The following MAPK4 variants were observed in gnomAD, a reference collection of about 807,000 sequenced individuals.
MAPK4 encodes mitogen-activated protein kinase 4, also known as Erk3-related.
MAPK4 carries 22 observed loss-of-function variants against 47.7 expected under a neutral mutation model. The ratio of observed to expected loss-of-function variants is 0.46; its 90% confidence interval spans 0.33 to 0.66. The LOEUF (loss-of-function observed/expected upper bound fraction) is 0.66. MAPK4 is among the 30% of genes least tolerant of loss of function. The probability of loss-of-function intolerance (pLI) is 0.02; values close to 1 mark genes in which losing one functional copy is unlikely to be tolerated. For missense variants in MAPK4, 736 were observed against 831.7 expected (o/e 0.88, Z 1.42); for synonymous variants, 390 against 365.7 (o/e 1.07, Z -0.76).
At chr18:50,585,894 C>T (rs2042383940) in intron 1 of MAPK4, among the ~76,000 whole-genome samples, 1 of 152,176 alleles carries the variant, frequency 6.6e-6, no homozygotes, top group African/African-American at 2.4e-5. Context: ...AGAACTCACT[C>T]ACTGTCACAA....
chr18:50,672,776 A>G (rs1228604009), intron 2 of MAPK4, among the ~76,000 whole-genome samples: 1 of 152,126 alleles, frequency 6.6e-6, no homozygotes. Flanking sequence ...TTCACCCTTT[A>G]TTGCTGGATC....
intron 1 of MAPK4, among the ~76,000 whole-genome samples, chr18:50,625,328 C>T (rs76949404): frequency 1.1e-4 from 17 of 152,286 alleles, no homozygotes; most frequent in Admixed American, 4.6e-4. Flanking sequence ...ATGGCAAAAG[C>T]GCTGGGCATG....
chr18:50,729,259 C>T lies in MAPK4; in HGVS notation c.1169C>T (p.Ala390Val). 1.2e-6 allele frequency: 2 copies of T among 1,609,662 alleles called. No individual in the cohort carries two copies. Among genetic ancestry groups the T allele is most frequent in the Non-Finnish European group, 1.7e-6 (2 of 1,177,686 alleles). ...RDPRAGSAPLAEDVQVDPRKD... is the reference protein window; with the variant it reads ...RDPRAGSAPLVEDVQVDPRKD... The stretch of plus-strand genomic sequence containing the variant: ...CCGCGCGCGGGTTCGGCGCCACTGG[C>T]TGAGGACGTGCAGGTGGACCCGCGC... Residue 390 changes from alanine (A) to valine (V), a missense_variant, in exon 6 of 6, where the codon GCT (alanine) becomes GTT (valine). Physicochemically the swap from Ala to Val is moderately conservative, Grantham distance 64. This residue lies in a region of MAPK4 where 377 missense variants were observed against 378.6 expected (regional missense o/e 1.00). Transcript: ENST00000400384.
intron 2 of MAPK4, 79 bp from the exon 3 acceptor site, chr18:50,715,000 G>A: frequency 7.0e-7 from 1 of 1,429,014 alleles, no homozygotes; most frequent in South Asian, 1.3e-5. Flanking sequence ...TGTTTCATGG[G>A]AGGGGAAACT....
At chr18:50,601,861 C>T (rs1044036055) in intron 1 of MAPK4, among the ~76,000 whole-genome samples, 16 of 152,288 alleles carry the variant, frequency 1.1e-4, no homozygotes, top group African/African-American at 2.9e-4. Context: ...TCTTGCCTTC[C>T]GTGGCAGCTC....
At position 50,582,867 on chromosome 18, in the gene MAPK4, G is replaced by A. The variant is rs570226680; in HGVS notation, c.-871+22624G>A. 3.2e-4 allele frequency among the ~76,000 whole-genome samples: 49 copies of A among 152,336 alleles called. 2 individuals carry two copies. In the South Asian group the frequency reaches 9.7e-3, roughly 30 times the overall value. The stretch of plus-strand genomic sequence containing the variant: ...ATGCCAGCAATCATGGAGCCCCAAG[G>A]GGTGTTACAGCTCTTGCTCAGAAAG... On this transcript the variant is annotated intron_variant, in intron 1 of 5. Coordinates refer to ENST00000400384, the MANE Select transcript of MAPK4 (RefSeq NM_002747.4).
At chr18:50,614,853 C>T (rs2042670015) in intron 1 of MAPK4, among the ~76,000 whole-genome samples, 2 of 152,118 alleles carry the variant, frequency 1.3e-5, no homozygotes, top group South Asian at 4.2e-4. Context: ...GGATTCTTCC[C>T]TTCTGGGAAG....
chr18:50,666,868 G>A (rs997281551), intron 2 of MAPK4, among the ~76,000 whole-genome samples: 3 of 151,860 alleles, frequency 2.0e-5, no homozygotes, highest in Non-Finnish European at 4.4e-5. Flanking sequence ...TATATTTGGT[G>A]CTTTTATTTA....
At chr18:50,700,522 C>T (rs771432527) in intron 2 of MAPK4, among the ~76,000 whole-genome samples, 6 of 152,156 alleles carry the variant, frequency 3.9e-5, no homozygotes, top group African/African-American at 7.2e-5. Context: ...TTAATAGTGA[C>T]GCAAACATCA....
intron 3 of MAPK4, among the ~76,000 whole-genome samples, chr18:50,717,380 G>A (rs531681441): frequency 2.1e-4 from 32 of 152,120 alleles, no homozygotes; most frequent in East Asian, 1.4e-3. Context: ...CAGGGGGAGC[G>A]TGTTTTCTCT....
intron 2 of MAPK4, among the ~76,000 whole-genome samples, chr18:50,668,111 C>T (rs538487962): frequency 1.3e-5 from 2 of 152,324 alleles, no homozygotes; most frequent in African/African-American, 4.8e-5. Flanking sequence ...TCATGTAACA[C>T]TTCCTTACAT....
At chr18:50,654,656 C>T (rs911127033) in intron 1 of MAPK4, among the ~76,000 whole-genome samples, 8 of 152,238 alleles carry the variant, frequency 5.3e-5, no homozygotes, top group African/African-American at 1.9e-4. Flanking sequence ...ACCTGCTACA[C>T]ATGCCCCCTG....
At chr18:50,689,737 A>G (rs545632770) in intron 2 of MAPK4, among the ~76,000 whole-genome samples, 1 of 152,066 alleles carries the variant, frequency 6.6e-6, no homozygotes, top group Non-Finnish European at 1.5e-5. Context: ...CAAAATTTTA[A>G]AAAAGGGGGG....
At chr18:50,596,859 A>G (rs1451808530) in intron 1 of MAPK4, among the ~76,000 whole-genome samples, 2 of 152,236 alleles carry the variant, frequency 1.3e-5, no homozygotes, top group African/African-American at 4.8e-5. Flanking sequence ...CGTTAATGGA[A>G]GTCGAAAGTT....
rs575790528 is a variant in MAPK4, at chr18:50,706,556, G to A, written c.547-8523G>A. 1.1e-4 allele frequency among the ~76,000 whole-genome samples: 17 copies of A among 152,090 alleles called. No individual in the cohort carries two copies. The South Asian group carries it at 1.5e-3, about 13-fold the overall frequency. On this transcript the variant is annotated intron_variant, in intron 2 of 5. Coordinates refer to ENST00000400384, the MANE Select transcript of MAPK4 (RefSeq NM_002747.4). The stretch of plus-strand genomic sequence containing the variant: ...ACCAGATTTCCCCTTGAAAGCCAGC[G>A]TGACAGATGTCTATTTGTGGCTTGA...
chr18:50,651,186 C>T (rs2043044618), intron 1 of MAPK4, among the ~76,000 whole-genome samples: 1 of 152,232 alleles, frequency 6.6e-6, no homozygotes, highest in South Asian at 2.1e-4. Context: ...TTCTTTGTCT[C>T]ATCTGAGAGC....
rs1312104368 is a variant in MAPK4 at position 50,729,875 on chromosome 18, G to A, written c.*21G>A. The A allele has an allele frequency of 1.3e-6, 2 of 1,559,740 alleles. No homozygotes were observed. Among genetic ancestry groups the A allele is most frequent in the Non-Finnish European group, 1.7e-6 (2 of 1,149,288 alleles). On this transcript the variant is annotated 3_prime_UTR_variant, in exon 6 of 6. Coordinates refer to ENST00000400384, the MANE Select transcript of MAPK4 (RefSeq NM_002747.4). ...GGTGAGGGCGGAGGGGCCGCTCCAGGCCCCACAGAGCAGGAGACCCCCAGA... is the reference window on the plus strand; with the variant it reads ...GGTGAGGGCGGAGGGGCCGCTCCAGACCCCACAGAGCAGGAGACCCCCAGA...
intron 2 of MAPK4, among the ~76,000 whole-genome samples, chr18:50,694,086 G>T (rs17742551): frequency 0.15 from 22,879 of 152,158 alleles, 2,054 homozygotes; most frequent in East Asian, 0.25. Context: ...AATCAAAAAG[G>T]TCCTATGCTG....
chr18:50,729,279 C>T lies in MAPK4; in HGVS notation c.1189C>T (p.Pro397Ser). Residue 397 changes from proline to serine, a missense_variant, in exon 6 of 6, where the codon CCG becomes TCG. Around this residue, in one of 3 missense-constraint regions of MAPK4, gnomAD observed 377 missense variants for 378.6 expected, o/e 1.00. Coordinates refer to ENST00000400384, the MANE Select transcript of MAPK4 (RefSeq NM_002747.4). ...ACTGGCTGAGGACGTGCAGGTGGAC[C>T]CGCGCAAGGACTCGCACAGCAGCTC... ...APLAEDVQVD[P>S]RKDSHSSSER... 10 of 1,609,450 alleles carry T rather than the reference C, an allele frequency of 6.2e-6. No individual in the cohort carries two copies. The highest frequency in any genetic ancestry group is 8.5e-6 in the Non-Finnish European group (10 of 1,177,826).
Sources: gnomAD v4.1 joint callset for allele counts (sites outside exome capture counted in the v4.1 genomes callset) on GRCh38, gnomAD v4.1.1 for gene constraint, gnomAD v4.1.1 regional missense constraint, MANE v1.5 for transcripts, NCBI Gene and HGNC (gene_info 2026-07-23, HGNC 2026-07-21) for gene names.